The following TSPAN12 variants were observed in gnomAD, a reference collection of about 807,000 sequenced individuals.
TSPAN12 encodes the protein tetraspanin 12.
A neutral mutation model predicts 39.2 loss-of-function variants in TSPAN12; 19 were observed. That is an observed-to-expected ratio of 0.49 (90% CI 0.34 to 0.71). The LOEUF (loss-of-function observed/expected upper bound fraction) is 0.71. TSPAN12 is among the 30% of genes least tolerant of loss of function. The pLI, the probability that TSPAN12 is intolerant of heterozygous loss-of-function variation, is 0.01. For missense variants in TSPAN12, 314 were observed against 359.9 expected (o/e 0.87, Z 1.03); for synonymous variants, 119 against 124.8 (o/e 0.95, Z 0.31).
intron 7 of TSPAN12, among the ~76,000 whole-genome samples, chr7:120,792,277 G>A (rs1478143377): frequency 1.3e-5 from 2 of 152,174 alleles, no homozygotes; most frequent in African/African-American, 2.4e-5. Flanking sequence ...GGTCTGGCCT[G>A]GAAGACCCCA....
intron 2 of TSPAN12, among the ~76,000 whole-genome samples, chr7:120,851,495 C>T (rs1794767932): frequency 6.6e-6 from 1 of 151,984 alleles, no homozygotes; most frequent in African/African-American, 2.4e-5. Context: ...TAGAAACAAA[C>T]ACATATTTGA....
intron 7 of TSPAN12, among the ~76,000 whole-genome samples, chr7:120,802,966 T>C (rs1793802909): frequency 1.3e-5 from 2 of 152,206 alleles, no homozygotes; most frequent in African/African-American, 2.4e-5. Context: ...TTCAGACTAC[T>C]GAAGAATGAT....
chr7:120,820,876 C>T (rs77985228), intron 4 of TSPAN12, among the ~76,000 whole-genome samples: 8,214 of 152,044 alleles, frequency 0.054, 530 homozygotes, highest in East Asian at 0.31. Context: ...TTGATTTCTG[C>T]CTACACATTT....
chr7:120,790,294 T>A (rs530720913), intron 7 of TSPAN12, among the ~76,000 whole-genome samples: 1 of 152,218 alleles, frequency 6.6e-6, no homozygotes, highest in Non-Finnish European at 1.5e-5. Flanking sequence ...AACTGCTATG[T>A]CATTTGGGGC....
In TSPAN12 at chr7:120,794,129, T is replaced by G. The variant is rs550538621; in HGVS notation, c.613-5232A>C. ...ATTCTGTTTATATTTTATTATTAAT[T>G]TACTGTATTTTTGTTGTATGCTGCC... On this transcript the variant is annotated intron_variant, in intron 7 of 7. Transcript: ENST00000222747. Among the ~76,000 whole-genome samples, 16 of 152,352 alleles carry G rather than the reference T, an allele frequency of 1.1e-4. 1 individual carries two copies. In the South Asian group the frequency reaches 3.3e-3, roughly 32 times the overall value.
At chr7:120,810,337 A>C in intron 6 of TSPAN12, 126 bp downstream of exon 6, 2 of 703,812 alleles carry the variant, frequency 2.8e-6, no homozygotes, top group African/African-American at 3.5e-5. Flanking sequence ...ATTGCACCAG[A>C]GGTTACTGAA....
intron 2 of TSPAN12, among the ~76,000 whole-genome samples, chr7:120,845,231 C>A (rs1471735557): frequency 6.6e-6 from 1 of 152,214 alleles, no homozygotes; most frequent in African/African-American, 2.4e-5. Context: ...TTCTTTCCTC[C>A]TAGGCTTTCG....
chr7:120,856,239 G>A (rs1341599759), intron 2 of TSPAN12, among the ~76,000 whole-genome samples: 4 of 152,100 alleles, frequency 2.6e-5, no homozygotes, highest in Admixed American at 2.0e-4. Context: ...TTATCTGGGT[G>A]TGAATTCCAC....
At chr7:120,793,369 T>C (rs1168161711) in intron 7 of TSPAN12, among the ~76,000 whole-genome samples, 1 of 152,232 alleles carries the variant, frequency 6.6e-6, no homozygotes, top group African/African-American at 2.4e-5. Flanking sequence ...GCAATTGTAT[T>C]GACACATCAC....
At chr7:120,806,825 G>T in intron 6 of TSPAN12, 133 bp from the exon 7 acceptor site, 1 of 1,099,282 alleles carries the variant, frequency 9.1e-7, no homozygotes, top group Non-Finnish European at 1.3e-6. Context: ...TATATGTACA[G>T]TCTATGTTGA....
At chr7:120,842,788 T>G (rs1004846270) in intron 2 of TSPAN12, among the ~76,000 whole-genome samples, 25 of 152,134 alleles carry the variant, frequency 1.6e-4, no homozygotes, top group Admixed American at 1.6e-3. Flanking sequence ...TCGATATAAT[T>G]AATTTCCTTT....
chr7:120,841,098 G>A (rs1794570646), intron 2 of TSPAN12, among the ~76,000 whole-genome samples: 2 of 152,160 alleles, frequency 1.3e-5, no homozygotes, highest in South Asian at 4.1e-4. Flanking sequence ...ATGAAAGGCT[G>A]GTGGGAAGTC....
At chr7:120,809,332 A>G (rs930429228) in intron 6 of TSPAN12, among the ~76,000 whole-genome samples, 1 of 152,182 alleles carries the variant, frequency 6.6e-6, no homozygotes, top group African/African-American at 2.4e-5. Context: ...TACTCAGGAC[A>G]GTAGCTGACA....
chr7:120,847,539 A>G (rs1321652987), intron 2 of TSPAN12, among the ~76,000 whole-genome samples: 1 of 152,166 alleles, frequency 6.6e-6, no homozygotes, highest in Non-Finnish European at 1.5e-5. Flanking sequence ...TTTCCTGTAA[A>G]TGGTATAATC....
chr7:120,848,401 A>G (rs1794712019), intron 2 of TSPAN12, among the ~76,000 whole-genome samples: 1 of 152,236 alleles, frequency 6.6e-6, no homozygotes, highest in African/African-American at 2.4e-5. Context: ...AGTGAATGAG[A>G]AAATAATTAA....
At chr7:120,849,297 G>A (rs1198201838) in intron 2 of TSPAN12, among the ~76,000 whole-genome samples, 2 of 152,212 alleles carry the variant, frequency 1.3e-5, no homozygotes, top group African/African-American at 4.8e-5. Flanking sequence ...GCAGTGTTGA[G>A]GACATGGTCT....
intron 7 of TSPAN12, among the ~76,000 whole-genome samples, chr7:120,789,800 AG>A (rs1339509599): frequency 6.6e-6 from 1 of 152,234 alleles, no homozygotes; most frequent in Non-Finnish European, 1.5e-5. Context: ...AAGCTTGCAC[AG>A]GTGAATGCCA....
chr7:120,794,595 G>T (rs995094772), intron 7 of TSPAN12, among the ~76,000 whole-genome samples: 1 of 152,130 alleles, frequency 6.6e-6, no homozygotes, highest in Non-Finnish European at 1.5e-5. Flanking sequence ...ATTATCACTT[G>T]CCTTTCCTGT....
At chr7:120,853,959 C>T (rs1224325018) in intron 2 of TSPAN12, among the ~76,000 whole-genome samples, 1 of 149,148 alleles carries the variant, frequency 6.7e-6, no homozygotes, top group East Asian at 2.0e-4. Flanking sequence ...AAACAGATAA[C>T]ATAAATGAAA....
Sources: allele counts gnomAD v4.1 joint callset (sites outside exome capture counted in the v4.1 genomes callset), GRCh38; gene constraint gnomAD v4.1.1; transcripts MANE v1.5; gene names NCBI Gene and HGNC (gene_info 2026-07-23, HGNC 2026-07-21).